The following EEFSEC variants were observed in gnomAD, a reference collection of about 807,000 sequenced individuals.
EEFSEC encodes eukaryotic elongation factor, selenocysteine-tRNA specific.
In EEFSEC, 43 loss-of-function variants were observed where a neutral mutation model predicts 42.1. The observed-to-expected ratio is 1.02, with a 90% CI of 0.80 to 1.32. The LOEUF (loss-of-function observed/expected upper bound fraction) is 1.32, where lower values mean the gene tolerates loss of function less well. Ranked by LOEUF, EEFSEC falls within the 40% of genes most tolerant of loss-of-function variation. The pLI, the probability that EEFSEC is intolerant of heterozygous loss-of-function variation, is 0.00. For synonymous variants in EEFSEC, 354 were observed against 339.1 expected (o/e 1.04, Z -0.48); for missense variants, 745 against 803.6 (o/e 0.93, Z 0.88).
chr3:128,287,411 G>C (rs1319182206), intron 4 of EEFSEC, among the ~76,000 whole-genome samples: 1 of 152,216 alleles, frequency 6.6e-6, no homozygotes, highest in South Asian at 2.1e-4. Flanking sequence ...GGGAGAGAGT[G>C]AGGAGGCTGG....
At chr3:128,266,035 G>A (rs1018513040) in intron 4 of EEFSEC, among the ~76,000 whole-genome samples, 1 of 152,174 alleles carries the variant, frequency 6.6e-6, no homozygotes, top group Non-Finnish European at 1.5e-5. Flanking sequence ...TGAGGCCTAG[G>A]GAGGAGCTGC....
rs140121985 is a variant in EEFSEC at position 128,291,753 on chromosome 3, C to A, written c.786+26972C>A. Among the ~76,000 whole-genome samples the A allele has an allele frequency of 9.2e-5, 14 of 152,260 alleles. No homozygotes were observed. The East Asian group carries it at 2.7e-3, about 29-fold the overall frequency. ...ACAGTTATGATATCTGGAAATAATT[C>A]CTTTCTACACTTTTTGCCTTTTTTC... On this transcript the variant is annotated intron_variant, in intron 4 of 6. Transcript: ENST00000254730.
chr3:128,303,525 A>G (rs2811391), intron 4 of EEFSEC, among the ~76,000 whole-genome samples: 125,677 of 152,158 alleles, frequency 0.83, 52,650 homozygotes, highest in East Asian at 0.99. Flanking sequence ...ATTGTCTATA[A>G]ATTACCTGTT....
chr3:128,247,125 G>T, intron 2 of EEFSEC, 82 bp downstream of exon 2: 1 of 1,441,560 alleles, frequency 6.9e-7, no homozygotes, highest in Non-Finnish European at 9.6e-7. Context: ...ACATGAATTG[G>T]ACAGGCAGGT....
chr3:128,356,485 G>A (rs949975708), intron 5 of EEFSEC, among the ~76,000 whole-genome samples: 1 of 152,200 alleles, frequency 6.6e-6, no homozygotes, highest in African/African-American at 2.4e-5. Context: ...TGGACCAGAA[G>A]CCATCAAAGG....
chr3:128,282,853 C>T (rs1244263281), intron 4 of EEFSEC, among the ~76,000 whole-genome samples: 1 of 152,204 alleles, frequency 6.6e-6, no homozygotes, highest in Non-Finnish European at 1.5e-5. Flanking sequence ...ACTGATCTCC[C>T]GACTTCACAG....
chr3:128,197,996 C>T (rs888281157), intron 1 of EEFSEC, among the ~76,000 whole-genome samples: 5 of 152,198 alleles, frequency 3.3e-5, no homozygotes, highest in African/African-American at 9.7e-5. Context: ...CCTTTATTCC[C>T]TTTACCCCAT....
chr3:128,183,102 A>G (rs1033642133), intron 1 of EEFSEC, among the ~76,000 whole-genome samples: 5 of 152,166 alleles, frequency 3.3e-5, no homozygotes, highest in African/African-American at 4.8e-5. Context: ...AAGGCTTACC[A>G]TGAGTATTAA....
At chr3:128,328,988 T>C (rs1237302923) in intron 4 of EEFSEC, among the ~76,000 whole-genome samples, 1 of 152,312 alleles carries the variant, frequency 6.6e-6, no homozygotes, top group East Asian at 1.9e-4. Flanking sequence ...GGCAGCTCAA[T>C]TGGATGACTG....
chr3:128,160,571 C>T (rs895365351), intron 1 of EEFSEC, among the ~76,000 whole-genome samples: 10 of 152,138 alleles, frequency 6.6e-5, no homozygotes, highest in South Asian at 2.1e-4. Context: ...CAGGGATTCC[C>T]ACTGGCAGCA....
downstream of EEFSEC, among the ~76,000 whole-genome samples, chr3:128,410,374 C>G (rs1474649535): frequency 6.6e-6 from 1 of 152,198 alleles, no homozygotes; most frequent in Non-Finnish European, 1.5e-5. Flanking sequence ...GGGTGTGTCA[C>G]TGTCCCTTTC....
the EEFSEC span, among the ~76,000 whole-genome samples, chr3:128,420,347 C>T: frequency 6.6e-6 from 1 of 152,272 alleles, no homozygotes; most frequent in East Asian, 1.9e-4. Context: ...TTTCCTTCCT[C>T]ACTGCACATG....
intron 4 of EEFSEC, among the ~76,000 whole-genome samples, chr3:128,315,029 A>AAC (rs1004960884): frequency 1.3e-5 from 2 of 152,130 alleles, no homozygotes; most frequent in Non-Finnish European, 2.9e-5. Context: ...GTCTCTCCCT[A>AAC]ACACACACAC....
chr3:128,412,807 G>A (rs2068183168), downstream of EEFSEC, among the ~76,000 whole-genome samples: 1 of 152,242 alleles, frequency 6.6e-6, no homozygotes, highest in South Asian at 2.1e-4. Context: ...AGTGGGTGCT[G>A]GGAGTGGGGC....
rs116567105 is a variant in EEFSEC, at chr3:128,157,463, C to T, written c.316+3640C>T. ...ATGCTATGTAGGACTTTCATAGCTACAGAGAAGTCAATGACTGGGTACAAA... is the reference window on the plus strand; with the variant it reads ...ATGCTATGTAGGACTTTCATAGCTATAGAGAAGTCAATGACTGGGTACAAA... On this transcript the variant is annotated intron_variant, in intron 1 of 6. Transcript: ENST00000254730. 1.4e-3 allele frequency among the ~76,000 whole-genome samples: 208 copies of T among 152,336 alleles called. 4 individuals carry two copies. The highest frequency in any genetic ancestry group is 4.7e-3 in the African/African-American group (196 of 41,566).
At chr3:128,395,243 A>G (rs1005177558) in intron 6 of EEFSEC, among the ~76,000 whole-genome samples, 46 of 152,232 alleles carry the variant, frequency 3.0e-4, no homozygotes, top group African/African-American at 1.1e-3. Context: ...GCCAGAAGGC[A>G]GAACGGGAGC....
intron 1 of EEFSEC, among the ~76,000 whole-genome samples, chr3:128,194,672 C>T (rs546664733): frequency 6.6e-6 from 1 of 152,202 alleles, no homozygotes; most frequent in African/African-American, 2.4e-5. Context: ...GTACTTTGTG[C>T]ACCCTTCTTT....
intron 1 of EEFSEC, among the ~76,000 whole-genome samples, chr3:128,170,386 A>G (rs1264787923): frequency 6.6e-6 from 1 of 151,486 alleles, no homozygotes; most frequent in Non-Finnish European, 1.5e-5. Context: ...ACATGACGAA[A>G]CCCCGTCTCT....
chr3:128,372,286 C>T (rs1039737350), intron 6 of EEFSEC, among the ~76,000 whole-genome samples: 6 of 152,162 alleles, frequency 3.9e-5, no homozygotes, highest in African/African-American at 9.7e-5. Context: ...AATCAGAGGC[C>T]GGCCCATGTT....
Sources: gnomAD v4.1 joint callset for allele counts (sites outside exome capture counted in the v4.1 genomes callset) on GRCh38, gnomAD v4.1.1 for gene constraint, MANE v1.5 for transcripts, NCBI Gene and HGNC (gene_info 2026-07-23, HGNC 2026-07-21) for gene names.